The following KCNK13 variants were observed in gnomAD, a reference collection of about 807,000 sequenced individuals.
The protein encoded by KCNK13 is potassium channel subfamily K member 13.
KCNK13 carries 12 observed loss-of-function variants against 23.4 expected under a neutral mutation model. The observed-to-expected ratio is 0.51, with a 90% CI of 0.33 to 0.83. The LOEUF is 0.83. KCNK13 is among the 40% of genes least tolerant of loss of function. The pLI is 0.02. For missense variants in KCNK13, 463 were observed against 556.3 expected, an observed-to-expected ratio of 0.83 and a Z score of 1.69; for synonymous variants, 231 against 229.5, an observed-to-expected ratio of 1.01 and a Z score of -0.06.
chr14:90,102,969 C>G (rs974897997), intron 1 of KCNK13, among the ~76,000 whole-genome samples: 1 of 152,134 alleles, frequency 6.6e-6, no homozygotes, highest in Non-Finnish European at 1.5e-5. Context: ...ATCTGTTATT[C>G]CCATGTTTAT....
chr14:90,072,517 G>C (rs1889088066), intron 1 of KCNK13, among the ~76,000 whole-genome samples: 2 of 152,166 alleles, frequency 1.3e-5, no homozygotes, highest in Non-Finnish European at 2.9e-5. Flanking sequence ...CATGAGCTCT[G>C]GGCTTCCTTA....
intron 1 of KCNK13, among the ~76,000 whole-genome samples, chr14:90,069,030 C>CTTTTTTTTTT (rs34881625): frequency 8.9e-5 from 8 of 90,102 alleles, no homozygotes; most frequent in East Asian, 3.6e-4. Context: ...AGTTTTTATT[C>CTTTTTTTTTT]TTTTTTTTTT....
At position 90,140,573 on chromosome 14, in the gene KCNK13, G is replaced by A. The variant is rs527738804; in HGVS notation, c.335-43538G>A. ...TCTGGTACTAAAACTGGACAAGCACGGAAATAAATTGAAACCCATTTCATT... is the reference window on the plus strand; with the variant it reads ...TCTGGTACTAAAACTGGACAAGCACAGAAATAAATTGAAACCCATTTCATT... On this transcript the variant is annotated intron_variant, in intron 1 of 1. Transcript: ENST00000282146. 3.9e-5 allele frequency among the ~76,000 whole-genome samples: 6 copies of A among 152,202 alleles called. No individual in the cohort carries two copies. The South Asian group carries it at 1.0e-3, about 26-fold the overall frequency.
In KCNK13 at chr14:90,062,405, G is replaced by C; in HGVS notation, c.200G>C (p.Ser67Thr). The change falls in exon 1 of 2, where the codon AGC becomes ACC. Residue 67 changes from serine (S) to threonine (T), a missense_variant. Around this residue, in one of 3 missense-constraint regions of KCNK13, gnomAD observed 153 missense variants for 153.6 expected, o/e 1.00. Coordinates refer to ENST00000282146, the MANE Select transcript of KCNK13 (RefSeq NM_022054.4). This position sits in a 1 kb window ranked among gnomAD's most constrained non-coding sequence, Gnocchi z 4.5. The part of the protein sequence containing the change: ...LANFSRGHNL[S>T]RDELRGFLRH... ...AACTTCAGCCGCGGCCACAACCTGA[G>C]CCGCGACGAGCTGCGCGGCTTCCTC... The C allele has an allele frequency of 6.5e-7, 1 of 1,547,018 alleles. No homozygotes were observed. The highest frequency in any genetic ancestry group is 8.7e-7 in the Non-Finnish European group (1 of 1,145,798).
chr14:90,128,489 G>T (rs957503072), intron 1 of KCNK13, among the ~76,000 whole-genome samples: 1 of 152,044 alleles, frequency 6.6e-6, no homozygotes, highest in Non-Finnish European at 1.5e-5. Flanking sequence ...TGTGTGGCAC[G>T]TGTGGGCTCT....
chr14:90,085,429 C>T (rs181332917), intron 1 of KCNK13, among the ~76,000 whole-genome samples: 5 of 151,304 alleles, frequency 3.3e-5, no homozygotes, highest in East Asian at 2.0e-4. Context: ...GAGGCCGAGG[C>T]GAGTGGATCA....
chr14:90,179,881 A>C (rs557410027), intron 1 of KCNK13, among the ~76,000 whole-genome samples: 2 of 152,340 alleles, frequency 1.3e-5, no homozygotes, highest in East Asian at 3.9e-4. Context: ...GTTTTGGTAC[A>C]TGAAAATTTT....
intron 1 of KCNK13, among the ~76,000 whole-genome samples, chr14:90,130,192 A>ATTTATTT (rs1218687496): frequency 6.7e-6 from 1 of 149,658 alleles, no homozygotes; most frequent in African/African-American, 2.5e-5. Flanking sequence ...TTATTTATTT[A>ATTTATTT]TTTATTTATT....
intron 1 of KCNK13, among the ~76,000 whole-genome samples, chr14:90,071,294 G>T (rs1889071769): frequency 6.6e-6 from 1 of 152,082 alleles, no homozygotes; most frequent in African/African-American, 2.4e-5. Flanking sequence ...CACAAATAAT[G>T]AAAAATAAAT....
chr14:90,172,637 G>GCGT (rs566407859), intron 1 of KCNK13, among the ~76,000 whole-genome samples: 13,410 of 104,354 alleles, frequency 0.13, 824 homozygotes, highest in African/African-American at 0.3. Flanking sequence ...TATTGTTCTG[G>GCGT]TGTTATATGA....
At chr14:90,063,526 C>T (rs1391343225) in intron 1 of KCNK13, among the ~76,000 whole-genome samples, 1 of 152,016 alleles carries the variant, frequency 6.6e-6, no homozygotes, top group Non-Finnish European at 1.5e-5. Context: ...AAAAAGAGAC[C>T]TGGAGCAGGG....
intron 1 of KCNK13, among the ~76,000 whole-genome samples, chr14:90,167,700 G>A (rs983482541): frequency 2.6e-5 from 4 of 152,132 alleles, no homozygotes; most frequent in Admixed American, 1.3e-4. Flanking sequence ...CACCCCTGCC[G>A]AAAGCTGGTT....
intron 1 of KCNK13, among the ~76,000 whole-genome samples, chr14:90,063,725 G>A (rs1309983828): frequency 6.6e-6 from 1 of 152,212 alleles, no homozygotes; most frequent in African/African-American, 2.4e-5. Context: ...ACATGGCTGT[G>A]CTACATAGAC....
At chr14:90,153,094 C>T (rs1478217500) in intron 1 of KCNK13, among the ~76,000 whole-genome samples, 1 of 152,166 alleles carries the variant, frequency 6.6e-6, no homozygotes, top group Non-Finnish European at 1.5e-5. Context: ...GCAACCCTAC[C>T]TAGACCACAT....
intron 1 of KCNK13, among the ~76,000 whole-genome samples, chr14:90,154,421 T>C (rs1378395675): frequency 3.3e-5 from 5 of 151,878 alleles, no homozygotes; most frequent in African/African-American, 1.2e-4. Flanking sequence ...TACAGTGCCA[T>C]GGTCTTCCAC....
At chr14:90,115,037 A>G (rs1365711929) in intron 1 of KCNK13, among the ~76,000 whole-genome samples, 1 of 152,170 alleles carries the variant, frequency 6.6e-6, no homozygotes, top group Admixed American at 6.5e-5. Context: ...GTCCGATCCA[A>G]ATCACTTCTA....
intron 1 of KCNK13, among the ~76,000 whole-genome samples, chr14:90,079,767 A>AG (rs2140394338): frequency 6.6e-6 from 1 of 152,368 alleles, no homozygotes; most frequent in East Asian, 1.9e-4. Context: ...AGCAGTACCC[A>AG]GGAACTCAGA....
intron 1 of KCNK13, among the ~76,000 whole-genome samples, chr14:90,159,974 T>TGC (rs1491445653): frequency 2.7e-5 from 4 of 146,876 alleles, no homozygotes; most frequent in Non-Finnish European, 6.0e-5. Flanking sequence ...TGTGTGTGTG[T>TGC]GCACATGCAT....
intron 1 of KCNK13, among the ~76,000 whole-genome samples, chr14:90,172,005 A>G (rs1284485043): frequency 6.6e-6 from 1 of 152,112 alleles, no homozygotes. Flanking sequence ...TCTTGATGGG[A>G]AAAAATTGAC....
Sources: gnomAD v4.1 joint callset for allele counts (sites outside exome capture counted in the v4.1 genomes callset) on GRCh38, gnomAD v4.1.1 for gene constraint, gnomAD v4.1.1 regional missense constraint, Gnocchi (gnomAD v3.1) non-coding constraint, MANE v1.5 for transcripts, NCBI Gene and HGNC (gene_info 2026-07-23, HGNC 2026-07-21) for gene names.